The following COL25A1 variants were observed in gnomAD, a reference collection of about 807,000 sequenced individuals.
The protein encoded by COL25A1 is collagen type XXV alpha 1 chain, also known as collagen alpha-1(XXV) chain.
A neutral mutation model predicts 128.4 loss-of-function variants in COL25A1; 103 were observed. The observed-to-expected ratio is 0.80, with a 90% CI of 0.68 to 0.94. COL25A1 has a LOEUF of 0.94. Among genes scored for constraint, COL25A1 ranks in the 40% least tolerant of loss-of-function variants. The pLI, the probability that COL25A1 is intolerant of heterozygous loss-of-function variation, is 0.00. For missense variants in COL25A1, 745 were observed against 840.0 expected (o/e 0.89, Z 1.40); for synonymous variants, 279 against 277.2 (o/e 1.01, Z -0.06).
At chr4:109,042,709 GGAGT>G (rs1760039876) in intron 5 of COL25A1, among the ~76,000 whole-genome samples, 2 of 152,056 alleles carry the variant, frequency 1.3e-5, no homozygotes, top group South Asian at 2.1e-4. Flanking sequence ...AATATAAAAA[GGAGT>G]AATTAAAGGA....
At position 109,055,334 on chromosome 4, in the gene COL25A1, G is replaced by T. The variant is rs552839131; in HGVS notation, c.368-5155C>A. ...TGGACCATCAGAGCAGCTCCAGATT[G>T]CCATACTGAATTGCAACCATTTTAA... is the stretch of plus-strand genomic sequence containing the variant. On this transcript the variant is annotated intron_variant, in intron 3 of 37. Transcript: ENST00000399132. 2.0e-5 allele frequency among the ~76,000 whole-genome samples: 3 copies of T among 152,226 alleles called. No homozygotes were observed. The South Asian group carries it at 6.2e-4, about 32-fold the overall frequency.
intron 3 of COL25A1, among the ~76,000 whole-genome samples, chr4:109,086,782 C>T (rs1441574699): frequency 1.3e-5 from 2 of 152,210 alleles, no homozygotes; most frequent in Non-Finnish European, 2.9e-5. Context: ...TCTGTTTCTA[C>T]TCAGAGGGGC....
chr4:108,976,036 A>G (rs1404533744), intron 6 of COL25A1, among the ~76,000 whole-genome samples: 1 of 151,848 alleles, frequency 6.6e-6, no homozygotes, highest in African/African-American at 2.4e-5. Context: ...TTTGATGAAC[A>G]CCTCTGAGTT....
intron 3 of COL25A1, among the ~76,000 whole-genome samples, chr4:109,170,534 G>A (rs914941866): frequency 2.6e-5 from 4 of 151,998 alleles, no homozygotes; most frequent in Non-Finnish European, 4.4e-5. Context: ...CTGGCTCCTG[G>A]GTAGAAAAGA....
chr4:109,191,368 C>T (rs964122714), intron 3 of COL25A1, among the ~76,000 whole-genome samples: 1 of 152,116 alleles, frequency 6.6e-6, no homozygotes, highest in Non-Finnish European at 1.5e-5. Flanking sequence ...GCCAGGAACC[C>T]CAAACTCATT....
intron 11 of COL25A1, among the ~76,000 whole-genome samples, chr4:108,932,682 A>G (rs1398924048): frequency 1.3e-5 from 2 of 152,232 alleles, no homozygotes; most frequent in African/African-American, 4.8e-5. Flanking sequence ...GCAATTTGGT[A>G]TATTTTTTTC....
intron 3 of COL25A1, among the ~76,000 whole-genome samples, chr4:109,266,096 T>A (rs1578589222): frequency 6.6e-6 from 1 of 152,314 alleles, no homozygotes; most frequent in Non-Finnish European, 1.5e-5. Context: ...TGAACTTGAA[T>A]AAGACATAGC....
At chr4:109,277,540 T>A (rs2126271388) in intron 3 of COL25A1, among the ~76,000 whole-genome samples, 1 of 152,334 alleles carries the variant, frequency 6.6e-6, no homozygotes, top group South Asian at 2.1e-4. Context: ...TAAATTAGAT[T>A]TGTCCTATAT....
intron 29 of COL25A1, 117 bp downstream of exon 29, chr4:108,845,072 G>A: frequency 2.4e-6 from 2 of 843,044 alleles, no homozygotes; most frequent in Middle Eastern, 2.3e-4. Context: ...GACAAACCAA[G>A]AGGTTTGAGG....
chr4:109,065,593 C>G (rs1206040144), intron 3 of COL25A1, among the ~76,000 whole-genome samples: 2 of 150,788 alleles, frequency 1.3e-5, no homozygotes, highest in East Asian at 3.9e-4. Context: ...CAGGTGCATG[C>G]ACGTGTGTTT....
chr4:109,042,854 T>A (rs1222631137), intron 5 of COL25A1, among the ~76,000 whole-genome samples: 1 of 152,124 alleles, frequency 6.6e-6, no homozygotes, highest in Non-Finnish European at 1.5e-5. Flanking sequence ...TTTGAGTAAC[T>A]GGCAGTTTAA....
chr4:108,857,568 TAA>T (rs34515408), intron 24 of COL25A1, among the ~76,000 whole-genome samples: 1 of 139,186 alleles, frequency 7.2e-6, no homozygotes. Context: ...AAAATAGATT[TAA>T]AAAAAAAAAA....
At position 109,063,822 on chromosome 4, in the gene COL25A1, T is replaced by G. The variant is rs115380705; in HGVS notation, c.368-13643A>C. Among the ~76,000 whole-genome samples, 367 of 152,272 alleles carry G rather than the reference T, an allele frequency of 2.4e-3. 2 individuals carry two copies. The highest frequency in any genetic ancestry group is 8.2e-3 in the African/African-American group (340 of 41,562). On this transcript the variant is annotated intron_variant, in intron 3 of 37. Transcript: ENST00000399132. ...GTCCTCAAATGGCAGGAGAAAAAGT[T>G]AAGAAATTCTCCAATAAGTAACAGG...
At chr4:109,108,343 C>A (rs1766656878) in intron 3 of COL25A1, among the ~76,000 whole-genome samples, 1 of 151,988 alleles carries the variant, frequency 6.6e-6, no homozygotes, top group East Asian at 1.9e-4. Flanking sequence ...ATCCATGTCC[C>A]TACAAAGGAC....
At chr4:109,268,566 A>G (rs1458259927) in intron 3 of COL25A1, among the ~76,000 whole-genome samples, 1 of 152,194 alleles carries the variant, frequency 6.6e-6, no homozygotes, top group Non-Finnish European at 1.5e-5. Flanking sequence ...CCTTTTAAAA[A>G]CAACAAAATA....
chr4:109,170,160 G>A (rs1211248736), intron 3 of COL25A1, among the ~76,000 whole-genome samples: 1 of 151,978 alleles, frequency 6.6e-6, no homozygotes, highest in Non-Finnish European at 1.5e-5. Context: ...CAAGCAAGGA[G>A]AAAATTAAAC....
At chr4:108,952,831 CTTTTTTTTTTTT>C (rs59761040) in intron 8 of COL25A1, among the ~76,000 whole-genome samples, 2 of 66,958 alleles carry the variant, frequency 3.0e-5, no homozygotes, top group African/African-American at 5.6e-5. Flanking sequence ...AAAAACTCAA[CTTTTTTTTTTTT>C]TTTTTTTTTT....
intron 19 of COL25A1, among the ~76,000 whole-genome samples, chr4:108,870,383 C>A (rs1417641585): frequency 6.6e-6 from 1 of 150,448 alleles, no homozygotes; most frequent in Non-Finnish European, 1.5e-5. Context: ...CACCACCAGA[C>A]ATATATTGAT....
chr4:108,883,221 G>T (rs2125833323), intron 19 of COL25A1, among the ~76,000 whole-genome samples: 1 of 151,918 alleles, frequency 6.6e-6, no homozygotes, highest in East Asian at 1.9e-4. Context: ...TAGATACAGG[G>T]TTTTACCATG....
Sources: allele counts gnomAD v4.1 joint callset (sites outside exome capture counted in the v4.1 genomes callset), GRCh38; gene constraint gnomAD v4.1.1; transcripts MANE v1.5; gene names NCBI Gene and HGNC (gene_info 2026-07-23, HGNC 2026-07-21).